Variants in CCDC91 observed in about 807,000 individuals in gnomAD.
CCDC91 encodes the protein coiled-coil domain containing 91, also known as coiled-coil domain-containing protein 91.
In CCDC91, 48 loss-of-function variants were observed where a neutral mutation model predicts 63.2. The observed-to-expected ratio is 0.76, with a 90% CI of 0.60 to 0.97. The LOEUF is 0.97. Among genes scored for constraint, CCDC91 ranks in the 50% least tolerant of loss-of-function variants. The pLI is 0.00. For missense variants in CCDC91, 500 were observed against 494.6 expected, an observed-to-expected ratio of 1.01 and a Z score of -0.10; for synonymous variants, 167 against 165.8, an observed-to-expected ratio of 1.01 and a Z score of -0.06.
chr12:28,474,928 A>G (rs1435885282), intron 11 of CCDC91, among the ~76,000 whole-genome samples: 5 of 152,122 alleles, frequency 3.3e-5, no homozygotes. Context: ...ACTACTGGGT[A>G]CATAATGAAA....
In CCDC91 at chr12:28,259,368, C is replaced by G; in HGVS notation, c.35C>G (p.Ala12Gly). ...DDDDFGGFEA[A>G]ETFDGGSGET... ...AATCTTGCCTTTGTCTTGTAGGCTGCGGAGACTTTTGATGGTGGAAGTGGT... is the reference window on the plus strand; with the variant it reads ...AATCTTGCCTTTGTCTTGTAGGCTGGGGAGACTTTTGATGGTGGAAGTGGT... Residue 12 changes from alanine (A) to glycine (G), a missense_variant, in exon 3 of 13, where the codon GCG becomes GGG. Transcript: ENST00000536442. 1 of 1,609,966 alleles carries G rather than the reference C, an allele frequency of 6.2e-7. No homozygotes were observed. The highest frequency in any genetic ancestry group is 1.3e-5 in the African/African-American group (1 of 74,798).
At chr12:28,533,693 A>C (rs1298332140) in intron 12 of CCDC91, among the ~76,000 whole-genome samples, 1 of 152,036 alleles carries the variant, frequency 6.6e-6, no homozygotes, top group Non-Finnish European at 1.5e-5. Flanking sequence ...TAGCCATTAC[A>C]ATGACCCTTA....
chr12:28,533,212 C>G (rs1281298775), intron 12 of CCDC91, among the ~76,000 whole-genome samples: 1 of 151,994 alleles, frequency 6.6e-6, no homozygotes, highest in East Asian at 1.9e-4. Flanking sequence ...AATCAAGTTG[C>G]TTGCTTTTAC....
chr12:28,431,734 G>A lies in CCDC91; in HGVS notation c.763-18427G>A, dbSNP rs182260747. Among the ~76,000 whole-genome samples, 7 of 151,776 alleles carry A rather than the reference G, an allele frequency of 4.6e-5. No individual in the cohort carries two copies. The East Asian group carries it at 7.8e-4, about 17-fold the overall frequency. ...CCTTTGTTACATTCCATGAATCTAC[G>A]TTAATAAATCATTATCACCATAATT... is the stretch of plus-strand genomic sequence containing the variant. On this transcript the variant is annotated intron_variant, in intron 8 of 12. Transcript: ENST00000536442.
chr12:28,513,836 C>G (rs563151387), intron 12 of CCDC91, among the ~76,000 whole-genome samples: 2 of 151,942 alleles, frequency 1.3e-5, no homozygotes, highest in African/African-American at 4.8e-5. Flanking sequence ...TGTATATGTA[C>G]CACATTTTCT....
At chr12:28,364,529 G>A (rs1441562733) in intron 7 of CCDC91, among the ~76,000 whole-genome samples, 1 of 152,174 alleles carries the variant, frequency 6.6e-6, no homozygotes, top group Admixed American at 6.5e-5. Flanking sequence ...TATTATTATA[G>A]TATTGATTTT....
At chr12:28,232,337 T>C (rs1944653138) in intron 1 of CCDC91, among the ~76,000 whole-genome samples, 1 of 152,250 alleles carries the variant, frequency 6.6e-6, no homozygotes, top group South Asian at 2.1e-4. Context: ...AATTTTTTTT[T>C]TCACTTTTCT....
chr12:28,431,560 T>C (rs1477423262), intron 8 of CCDC91, among the ~76,000 whole-genome samples: 1 of 152,148 alleles, frequency 6.6e-6, no homozygotes, highest in Non-Finnish European at 1.5e-5. Flanking sequence ...TCATTAATTT[T>C]CAGTTTTTCT....
rs1243500033 is a variant in CCDC91, at chr12:28,550,161, A to G, written c.*988A>G. On this transcript the variant is annotated 3_prime_UTR_variant, in exon 13 of 13. Transcript: ENST00000536442. ...CTCAGTGTAATAAAAAGAGCTCCCAAACTTATTTGGTTGTTACTTTTTGTT... is the reference window on the plus strand; with the variant it reads ...CTCAGTGTAATAAAAAGAGCTCCCAGACTTATTTGGTTGTTACTTTTTGTT... 2 of 152,402 alleles carry G rather than the reference A, an allele frequency of 1.3e-5. No homozygotes were observed. Among genetic ancestry groups the G allele is most frequent in the Admixed American group, 6.6e-5 (1 of 15,262 alleles). 9.4% of individuals were successfully genotyped at this position (152,402 alleles called of 1,614,324 possible).
chr12:28,245,637 AAC>A (rs1428993303), intron 1 of CCDC91, among the ~76,000 whole-genome samples: 3 of 152,172 alleles, frequency 2.0e-5, no homozygotes, highest in Non-Finnish European at 4.4e-5. Context: ...TCCAATTAAA[AAC>A]ACAACACAGT....
At chr12:28,445,225 A>G (rs1342526573) in intron 8 of CCDC91, among the ~76,000 whole-genome samples, 1 of 152,150 alleles carries the variant, frequency 6.6e-6, no homozygotes, top group Non-Finnish European at 1.5e-5. Flanking sequence ...TGGGTATTAG[A>G]ATTATTTGGG....
In CCDC91 at chr12:28,362,431, C is replaced by T; in HGVS notation, c.577-7C>T. ...AACTCATGGTTTTAGTTTCTTTTTT[C>T]TTTCAGGAAAAACATAAACAAGAAT... On this transcript the variant is annotated splice_polypyrimidine_tract_variant and splice_region_variant and intron_variant, in intron 6 of 12. Coordinates refer to ENST00000536442, the MANE Select transcript of CCDC91 (RefSeq NM_018318.5). 1.3e-6 allele frequency: 2 copies of T among 1,556,616 alleles called. No individual in the cohort carries two copies. Among genetic ancestry groups the T allele is most frequent in the Non-Finnish European group, 1.7e-6 (2 of 1,150,504 alleles).
At chr12:28,336,439 G>A (rs1298146383) in intron 6 of CCDC91, among the ~76,000 whole-genome samples, 2 of 145,728 alleles carry the variant, frequency 1.4e-5, no homozygotes, top group Non-Finnish European at 3.1e-5. Flanking sequence ...AGAAATTTTA[G>A]CAATGGTTCC....
chr12:28,203,472 T>G (rs191163306), intron 1 of CCDC91, among the ~76,000 whole-genome samples: 60 of 152,310 alleles, frequency 3.9e-4, no homozygotes, highest in African/African-American at 1.4e-3. Flanking sequence ...TCATCTGTGG[T>G]ATACAGCTGC....
intron 11 of CCDC91, among the ~76,000 whole-genome samples, chr12:28,477,080 C>T (rs955766823): frequency 3.9e-5 from 6 of 151,952 alleles, no homozygotes; most frequent in Non-Finnish European, 7.4e-5. Context: ...CTGAAACTAT[C>T]CAAATCAATA....
At chr12:28,452,398 T>C in intron 10 of CCDC91, 80 bp from the exon 11 acceptor site, 10 of 1,005,192 alleles carry the variant, frequency 9.9e-6, no homozygotes, top group Non-Finnish European at 1.5e-5. Context: ...GTTTTTTATC[T>C]TTTAGGTTAA....
chr12:28,337,557 G>T (rs1942081799), intron 6 of CCDC91, among the ~76,000 whole-genome samples: 1 of 150,822 alleles, frequency 6.6e-6, no homozygotes, highest in Admixed American at 6.6e-5. Context: ...TAAAGTTACG[G>T]TTATTTGAAG....
intron 11 of CCDC91, among the ~76,000 whole-genome samples, chr12:28,483,511 C>T (rs1253459930): frequency 6.6e-6 from 1 of 152,052 alleles, no homozygotes; most frequent in Non-Finnish European, 1.5e-5. Flanking sequence ...CTCCCTAGAT[C>T]TCTCATTTCA....
rs145849094 is a variant in CCDC91 at position 28,320,101 on chromosome 12, A to G, written c.576+12352A>G. On this transcript the variant is annotated intron_variant, in intron 6 of 12. Transcript: ENST00000536442. ...CATTTCAGAAATGCTATGCTATTAT[A>G]ATTATGATACTTTTTCTATGACATT... 4.9e-3 allele frequency among the ~76,000 whole-genome samples: 741 copies of G among 152,090 alleles called. 3 individuals are homozygous for G. Among genetic ancestry groups the G allele is most frequent in the Non-Finnish European group, 9.3e-3 (635 of 67,918 alleles).
Sources: allele counts gnomAD v4.1 joint callset (sites outside exome capture counted in the v4.1 genomes callset), GRCh38; gene constraint gnomAD v4.1.1; transcripts MANE v1.5; gene names NCBI Gene and HGNC (gene_info 2026-07-23, HGNC 2026-07-21).